Variants in CDH13 observed in about 807,000 individuals in gnomAD.
CDH13 encodes the protein cadherin-13.
A neutral mutation model predicts 63.8 loss-of-function variants in CDH13; 24 were observed. That is an observed-to-expected ratio of 0.38 (90% CI 0.27 to 0.53). The LOEUF is 0.53. CDH13 is among the 20% of genes least tolerant of loss of function. The probability of loss-of-function intolerance (pLI) is 0.85; values close to 1 mark genes in which losing one functional copy is unlikely to be tolerated. For synonymous variants in CDH13, 503 were observed against 355.3 expected, an observed-to-expected ratio of 1.42 and a Z score of -4.67; for missense variants, 1,049 against 903.1, an observed-to-expected ratio of 1.16 and a Z score of -2.07.
At chr16:82,829,783 G>A (rs2038442965) in intron 1 of CDH13, 1 of 152,050 alleles carries the variant, frequency 6.6e-6, no homozygotes, top group Admixed American at 6.6e-5. Flanking sequence ...TCCCTGGCAA[G>A]CACAAATAAC....
chr16:83,412,949 T>A (rs1049896628), intron 6 of CDH13, among the ~76,000 whole-genome samples: 8 of 152,236 alleles, frequency 5.3e-5, no homozygotes, highest in Non-Finnish European at 8.8e-5. Context: ...CCATTAGACG[T>A]AATTGGGTGA....
At chr16:83,727,854 T>C (rs765887323) in intron 10 of CDH13, among the ~76,000 whole-genome samples, 5 of 152,076 alleles carry the variant, frequency 3.3e-5, no homozygotes, top group Non-Finnish European at 5.9e-5. Flanking sequence ...ACAGGGGCGT[T>C]GGCGGGGAGG....
At chr16:82,839,647 G>A (rs1371776211) in intron 1 of CDH13, among the ~76,000 whole-genome samples, 2 of 152,190 alleles carry the variant, frequency 1.3e-5, no homozygotes, top group Non-Finnish European at 2.9e-5. Flanking sequence ...ACAGTGGCCA[G>A]ATGGGGTCTG....
intron 7 of CDH13, among the ~76,000 whole-genome samples, chr16:83,489,787 C>G (rs1447932229): frequency 2.6e-5 from 4 of 152,068 alleles, no homozygotes; most frequent in South Asian, 2.1e-4. Flanking sequence ...TACTTCTCAG[C>G]CAGATGGGCA....
intron 11 of CDH13, among the ~76,000 whole-genome samples, chr16:83,767,439 T>C (rs1914470471): frequency 6.6e-6 from 1 of 152,238 alleles, no homozygotes; most frequent in Non-Finnish European, 1.5e-5. Flanking sequence ...GTTGTGACTT[T>C]GCTTCTCATT....
chr16:83,072,092 A>C (rs913948367), intron 3 of CDH13, among the ~76,000 whole-genome samples: 10 of 152,160 alleles, frequency 6.6e-5, no homozygotes, highest in African/African-American at 2.4e-4. Context: ...TGATTATTTC[A>C]ACATTTAGTC....
intron 1 of CDH13, among the ~76,000 whole-genome samples, chr16:82,749,788 G>C (rs1327362259): frequency 6.6e-6 from 1 of 151,718 alleles, no homozygotes; most frequent in East Asian, 1.9e-4. Context: ...TTGTTTCTTT[G>C]CCTCCCTCAT....
At chr16:83,046,060 C>A (rs1917753939) in intron 3 of CDH13, among the ~76,000 whole-genome samples, 1 of 152,144 alleles carries the variant, frequency 6.6e-6, no homozygotes, top group African/African-American at 2.4e-5. Flanking sequence ...ATTCTCAGCC[C>A]AATTGCTTGT....
intron 2 of CDH13, among the ~76,000 whole-genome samples, chr16:82,981,814 C>G (rs1910300575): frequency 6.6e-6 from 1 of 152,196 alleles, no homozygotes; most frequent in Non-Finnish European, 1.5e-5. Flanking sequence ...CCCGTAAGCC[C>G]TTCAACAGCT....
intron 3 of CDH13, among the ~76,000 whole-genome samples, chr16:83,056,718 C>T (rs959705066): frequency 2.0e-5 from 3 of 152,176 alleles, no homozygotes; most frequent in Admixed American, 6.5e-5. Context: ...ATAATCCCCA[C>T]ATGTCACGGG....
At chr16:83,103,144 G>T (rs181294042) in intron 3 of CDH13, among the ~76,000 whole-genome samples, 1 of 150,304 alleles carries the variant, frequency 6.7e-6, no homozygotes, top group East Asian at 2.0e-4. Flanking sequence ...GTAGAGATGG[G>T]GTTCCACCAT....
intron 11 of CDH13, among the ~76,000 whole-genome samples, chr16:83,761,153 T>C (rs1913935384): frequency 6.6e-6 from 1 of 152,228 alleles, no homozygotes; most frequent in South Asian, 2.1e-4. Flanking sequence ...AATGGAGTGA[T>C]GTCAAAAGAG....
chr16:83,794,626 C>CATATATAT (rs34550866), intron 13 of CDH13, among the ~76,000 whole-genome samples: 3,343 of 149,122 alleles, frequency 0.022, 62 homozygotes, highest in Non-Finnish European at 0.035. Context: ...CTTAAGTCAA[C>CATATATAT]ATATATATAT....
At chr16:83,008,410 C>T (rs1216320565) in intron 2 of CDH13, among the ~76,000 whole-genome samples, 3 of 152,140 alleles carry the variant, frequency 2.0e-5, no homozygotes, top group African/African-American at 7.2e-5. Context: ...ACAGCAGATG[C>T]AAAGGCCCTG....
intron 8 of CDH13, among the ~76,000 whole-genome samples, chr16:83,635,228 A>G (rs1011909638): frequency 3.5e-4 from 53 of 151,466 alleles, no homozygotes; most frequent in Admixed American, 7.9e-4. Flanking sequence ...ATTTGCCGTC[A>G]GTGTTCTCTT....
At position 83,014,800 on chromosome 16, in the gene CDH13, ATATG is replaced by A. The variant is rs1207750133; in HGVS notation, c.158-17206_158-17203del. Among the ~76,000 whole-genome samples the A allele has an allele frequency of 3.9e-3, 226 of 58,406 alleles. 1 individual carries two copies. The highest frequency in any genetic ancestry group is 0.013 in the African/African-American group (209 of 15,506). 38.3% of individuals were successfully genotyped at this position (58,406 alleles called of 152,430 possible). A position where few individuals can be genotyped will look rare whatever the true frequency, so the allele number is the denominator to read the frequency against. On this transcript the variant is annotated intron_variant, in intron 2 of 13. Coordinates refer to ENST00000567109, the MANE Select transcript of CDH13 (RefSeq NM_001257.5). ...TGTATATATATATATTTGTATATATATATGTATATATATTTGTATATATATATTT... is the reference window on the plus strand; with the variant it reads ...TGTATATATATATATTTGTATATATATATATATATTTGTATATATATATTT...
At chr16:83,092,719 A>C (rs1421029611) in intron 3 of CDH13, among the ~76,000 whole-genome samples, 1 of 152,180 alleles carries the variant, frequency 6.6e-6, no homozygotes, top group Non-Finnish European at 1.5e-5. Context: ...AGGTACATCC[A>C]GGTTTTCCCA....
chr16:82,726,756 C>G (rs545762873), intron 1 of CDH13, among the ~76,000 whole-genome samples: 3 of 152,338 alleles, frequency 2.0e-5, no homozygotes, highest in Non-Finnish European at 4.4e-5. Flanking sequence ...TGGTGCGTAG[C>G]ACCCCCTTGA....
intron 2 of CDH13, chr16:82,858,766 A>C: frequency 2.1e-6 from 1 of 473,306 alleles, no homozygotes; most frequent in Admixed American, 3.7e-5. Flanking sequence ...TGTGCAAAGG[A>C]AATGAAATTC....
Sources: allele counts gnomAD v4.1 joint callset (sites outside exome capture counted in the v4.1 genomes callset), GRCh38; gene constraint gnomAD v4.1.1; transcripts MANE v1.5; gene names NCBI Gene and HGNC (gene_info 2026-07-23, HGNC 2026-07-21).